Variants in PCDHA5 observed in about 807,000 individuals in gnomAD.
The protein encoded by PCDHA5 is protocadherin alpha-5.
In PCDHA5, 43 loss-of-function variants were observed where a neutral mutation model predicts 61.6. The ratio of observed to expected loss-of-function variants is 0.70; its 90% CI spans 0.55 to 0.90. The LOEUF (loss-of-function observed/expected upper bound fraction) is 0.90. PCDHA5 is among the 40% of genes least tolerant of loss of function. PCDHA5 has a pLI of 0.00. For synonymous variants in PCDHA5, 627 were observed against 543.9 expected (o/e 1.15, Z -2.13); for missense variants, 1,298 against 1,222.7 (o/e 1.06, Z -0.92).
In PCDHA5 at chr5:140,837,849, AT is replaced by A. The variant is rs2150280154; in HGVS notation, c.2352+13726del. On this transcript the variant is annotated intron_variant, in intron 1 of 3. Coordinates refer to ENST00000529859, the MANE Select transcript of PCDHA5 (RefSeq NM_018908.3). The stretch of plus-strand genomic sequence containing the variant: ...CATGTCATTGTGCCTGGCTAATTTT[AT>A]TTTATTTTTGTAGAGACAGGGTGGA... Among the ~76,000 whole-genome samples the A allele has an allele frequency of 1.1e-3, 172 of 150,974 alleles. 2 individuals are homozygous for A. Among genetic ancestry groups the A allele is most frequent in the African/African-American group, 4.1e-3 (169 of 41,040 alleles).
Position 141,011,514 on chromosome 5 carries a change from GT to G in PCDHA5, c.*1584del, listed in dbSNP as rs35545269. 2 of 153,738 alleles carry G rather than the reference GT, an allele frequency of 1.3e-5. No homozygotes were observed. The highest frequency in any genetic ancestry group is 1.9e-4 in the East Asian group (1 of 5,186). The allele number at this position is 153,738 out of a possible 1,614,324, so 9.5% of individuals were successfully genotyped here. ...TACACCTGTGAAAAAGTGGAGTAGTGTTTTTTTAACCATTGTTAATCAGCTT... is the reference window on the plus strand; with the variant it reads ...TACACCTGTGAAAAAGTGGAGTAGTGTTTTTTAACCATTGTTAATCAGCTT... On this transcript the variant is annotated 3_prime_UTR_variant, in exon 4 of 4. Coordinates refer to ENST00000529859, the MANE Select transcript of PCDHA5 (RefSeq NM_018908.3).
chr5:140,893,929 T>C (rs2064240374), intron 1 of PCDHA5, among the ~76,000 whole-genome samples: 1 of 152,214 alleles, frequency 6.6e-6, no homozygotes, highest in South Asian at 2.1e-4. Flanking sequence ...TCAGAATCTC[T>C]ACCTGTTAAT....
chr5:140,911,480 G>A (rs2075504387), intron 1 of PCDHA5, among the ~76,000 whole-genome samples: 1 of 152,142 alleles, frequency 6.6e-6, no homozygotes, highest in African/African-American at 2.4e-5. Flanking sequence ...CTCTCACTCA[G>A]GGCAATCTTA....
chr5:140,949,172 A>G (rs574592967), intron 1 of PCDHA5, among the ~76,000 whole-genome samples: 3 of 151,856 alleles, frequency 2.0e-5, no homozygotes, highest in African/African-American at 7.2e-5. Context: ...TCTTTTGGTC[A>G]GAGAACATAC....
rs1041810006 is a variant in PCDHA5, at chr5:140,826,282, C to T, written c.2352+2155C>T. Among the ~76,000 whole-genome samples the T allele has an allele frequency of 1.1e-4, 16 of 152,038 alleles. 2 individuals carry two copies. Among genetic ancestry groups the T allele is most frequent in the Admixed American group, 5.2e-4 (8 of 15,262 alleles). ...AAGTCTTTATGTATATTTTGTGCAGCTTGTCTTTTTTATAGGAACCTCTTG... is the reference window on the plus strand; with the variant it reads ...AAGTCTTTATGTATATTTTGTGCAGTTTGTCTTTTTTATAGGAACCTCTTG... On this transcript the variant is annotated intron_variant, in intron 1 of 3. Transcript: ENST00000529859.
chr5:140,891,591 A>T (rs782194139), intron 1 of PCDHA5, among the ~76,000 whole-genome samples: 1 of 152,092 alleles, frequency 6.6e-6, no homozygotes, highest in Non-Finnish European at 1.5e-5. Flanking sequence ...TTATTACTCT[A>T]TCCCATCTAT....
chr5:140,865,392 A>G (rs1554159412), intron 1 of PCDHA5: 1 of 152,244 alleles, frequency 6.6e-6, no homozygotes, highest in Non-Finnish European at 1.5e-5. Context: ...TAAAGTTAAT[A>G]TAAATGCTGA....
At chr5:140,900,422 C>G (rs1422913254) in intron 1 of PCDHA5, among the ~76,000 whole-genome samples, 1 of 152,142 alleles carries the variant, frequency 6.6e-6, no homozygotes, top group East Asian at 1.9e-4. Context: ...GGATTATAGG[C>G]ACGTGCCACC....
chr5:140,899,846 C>T (rs1554188760), intron 1 of PCDHA5, among the ~76,000 whole-genome samples: 1 of 152,142 alleles, frequency 6.6e-6, no homozygotes, highest in African/African-American at 2.4e-5. Flanking sequence ...CTTGCTGTGT[C>T]ACCCAGGCTG....
chr5:140,831,641 G>A (rs10060640), intron 1 of PCDHA5, among the ~76,000 whole-genome samples: 80,051 of 151,240 alleles, frequency 0.53, 21,345 homozygotes, highest in Middle Eastern at 0.65. Flanking sequence ...AAGATTATAG[G>A]TGTGAGCCAC....
chr5:140,876,883 G>T (rs192756440), intron 1 of PCDHA5: 45 of 1,614,016 alleles, frequency 2.8e-5, no homozygotes, highest in Non-Finnish European at 3.6e-5. Context: ...CAACCCGCCG[G>T]GCTGCCACAT....
chr5:140,840,895 A>C (rs1776928646), intron 1 of PCDHA5, among the ~76,000 whole-genome samples: 1 of 152,026 alleles, frequency 6.6e-6, no homozygotes, highest in South Asian at 2.1e-4. Context: ...TATCCATGAC[A>C]TACAGGTCAT....
At chr5:140,880,297 AG>A (rs1554171244) in intron 1 of PCDHA5, among the ~76,000 whole-genome samples, 1 of 152,250 alleles carries the variant, frequency 6.6e-6, no homozygotes, top group Admixed American at 6.5e-5. Context: ...TCATAGTGTG[AG>A]TGAAAGAAAC....
chr5:140,996,196 A>G (rs2097716509), intron 3 of PCDHA5, among the ~76,000 whole-genome samples: 2 of 152,216 alleles, frequency 1.3e-5, no homozygotes, highest in South Asian at 2.1e-4. Context: ...TATACCCTCA[A>G]TGCAAGGATA....
chr5:140,896,929 G>A (rs2065808653), intron 1 of PCDHA5, among the ~76,000 whole-genome samples: 2 of 152,106 alleles, frequency 1.3e-5, no homozygotes, highest in African/African-American at 4.8e-5. Flanking sequence ...ATCACATCAT[G>A]GAAAATGGAA....
At position 140,848,597 on chromosome 5, in the gene PCDHA5, C is replaced by T. The variant is rs151001396; in HGVS notation, c.2352+24470C>T. ...TGGGGAGCGGCCAGCTCCACTACTC[C>T]GTCCCGGAGGAAGCCGAACACGGCA... is the stretch of plus-strand genomic sequence containing the variant. On this transcript the variant is annotated intron_variant, in intron 1 of 3. Coordinates refer to ENST00000529859, the MANE Select transcript of PCDHA5 (RefSeq NM_018908.3). The T allele has an allele frequency of 5.0e-6, 8 of 1,591,350 alleles. 1 individual carries two copies. The African/African-American group carries it at 6.7e-5, about 13-fold the overall frequency.
intron 1 of PCDHA5, among the ~76,000 whole-genome samples, chr5:140,964,979 G>A (rs1325298604): frequency 1.3e-5 from 2 of 152,204 alleles, no homozygotes; most frequent in African/African-American, 4.8e-5. Flanking sequence ...GGATGTGCTA[G>A]TTCAGGCCTT....
Position 140,821,632 on chromosome 5 carries a change from A to T in PCDHA5, c.-144A>T. 1.0e-6 allele frequency: 1 copy of T among 971,634 alleles called. No homozygotes were observed. Among genetic ancestry groups the T allele is most frequent in the Non-Finnish European group, 1.5e-6 (1 of 672,206 alleles). 60.2% of individuals were successfully genotyped at this position (971,634 alleles called of 1,614,324 possible). On this transcript the variant is annotated 5_prime_UTR_variant, in exon 1 of 4. The change creates a new upstream start codon in the 5' untranslated region. Coordinates refer to ENST00000529859, the MANE Select transcript of PCDHA5 (RefSeq NM_018908.3). ...GTGAGTAGATTTTCCTTAGACAGAA[A>T]GGAAAAGAACCTTCCATTTTTGGCT...
In PCDHA5 at chr5:140,929,377, C is replaced by G. The variant is rs1436728913; in HGVS notation, c.2353-49572C>G. 3 of 1,514,232 alleles carry G rather than the reference C, an allele frequency of 2.0e-6. No homozygotes were observed. In the African/African-American group the frequency reaches 4.2e-5, roughly 21 times the overall value. The allele number at this position is 1,514,232 out of a possible 1,614,324, so 93.8% of individuals were successfully genotyped here. Reference sequence around the variant, plus strand: ...CCTTTGGCCCGGAGATGGCTGCTAGCTGTGTTTTGAAATATTTCTTAGACA... The same window carrying G: ...CCTTTGGCCCGGAGATGGCTGCTAGGTGTGTTTTGAAATATTTCTTAGACA... On this transcript the variant is annotated intron_variant, in intron 1 of 3. Coordinates refer to ENST00000529859, the MANE Select transcript of PCDHA5 (RefSeq NM_018908.3).
Sources: gnomAD v4.1 joint callset for allele counts (sites outside exome capture counted in the v4.1 genomes callset) on GRCh38, gnomAD v4.1.1 for gene constraint, MANE v1.5 for transcripts, NCBI Gene and HGNC (gene_info 2026-07-23, HGNC 2026-07-21) for gene names.